Variants in ACTG2 observed in about 807,000 individuals in gnomAD.
The protein encoded by ACTG2 is actin, gamma-enteric smooth muscle.
Under a neutral mutation model 37.6 loss-of-function variants are expected in ACTG2, and 16 were observed. The ratio of observed to expected loss-of-function variants is 0.43; its 90% CI spans 0.29 to 0.65. The LOEUF (loss-of-function observed/expected upper bound fraction) is 0.65. Ranked by LOEUF, ACTG2 falls within the 30% of genes least tolerant of loss-of-function variation. ACTG2 has a pLI of 0.18. For missense variants in ACTG2, 238 were observed against 490.9 expected, an observed-to-expected ratio of 0.48 and a Z score of 4.87; for synonymous variants, 181 against 179.9, an observed-to-expected ratio of 1.01 and a Z score of -0.05.
In ACTG2 at chr2:73,901,378, G is replaced by T. The variant is rs1553394796; in HGVS notation, c.67G>T (p.Ala23Ser). 1 of 1,614,176 alleles carries T rather than the reference G, an allele frequency of 6.2e-7. No individual in the cohort carries two copies. Among genetic ancestry groups the T allele is most frequent in the South Asian group, 1.1e-5 (1 of 91,074 alleles). ...NGSGLCKAGF[A>S]GDDAPRAVFP... ...CTCTGGCCTGTGCAAGGCAGGCTTC[G>T]CAGGAGATGATGCCCCCCGGGCTGT... is the stretch of plus-strand genomic sequence containing the variant. The change falls in exon 2 of 9, where the codon GCA (alanine) becomes TCA (serine). Residue 23 changes from alanine to serine, a missense_variant. Physicochemically the swap from Ala to Ser is moderately conservative, Grantham distance 99. Coordinates refer to ENST00000345517, the MANE Select transcript of ACTG2 (RefSeq NM_001615.4).
At chr2:73,917,067 T>G (rs1287599856) in intron 8 of ACTG2, among the ~76,000 whole-genome samples, 1 of 152,070 alleles carries the variant, frequency 6.6e-6, no homozygotes, top group African/African-American at 2.4e-5. Flanking sequence ...ATCCCAGCAT[T>G]TTGGAAAGCC....
At chr2:73,912,046 T>C (rs1363299284) in intron 5 of ACTG2, among the ~76,000 whole-genome samples, 1 of 152,248 alleles carries the variant, frequency 6.6e-6, no homozygotes, top group African/African-American at 2.4e-5. Context: ...GCTAACAGTT[T>C]AGTGGGAGAT....
At chr2:73,917,324 C>G (rs1002295266) in intron 8 of ACTG2, among the ~76,000 whole-genome samples, 1 of 152,198 alleles carries the variant, frequency 6.6e-6, no homozygotes, top group Non-Finnish European at 1.5e-5. Flanking sequence ...GGTAAAAGTT[C>G]CAAAGAGTGG....
At chr2:73,902,809 T>C in intron 3 of ACTG2, 1 of 1,527,004 alleles carries the variant, frequency 6.5e-7, no homozygotes, top group Non-Finnish European at 8.8e-7. Flanking sequence ...CTTCAGTAGC[T>C]CTTCATTAAC....
In ACTG2 at chr2:73,919,771, C is replaced by A; in HGVS notation, c.*196C>A. The stretch of plus-strand genomic sequence containing the variant: ...TGTAAGGTAGGTGCTATCATTATAC[C>A]CATATTACAGATGAGGAAATTGAGG... On this transcript the variant is annotated 3_prime_UTR_variant, in exon 9 of 9. Transcript: ENST00000345517. The A allele has an allele frequency of 2.1e-6, 1 of 473,654 alleles. No individual in the cohort carries two copies. Among genetic ancestry groups the A allele is most frequent in the Non-Finnish European group, 3.5e-6 (1 of 284,800 alleles). The allele number at this position is 473,654 out of a possible 1,614,324, so 29.3% of individuals were successfully genotyped here. A position where few individuals can be genotyped will look rare whatever the true frequency, so the allele number is the denominator to read the frequency against.
intron 5 of ACTG2, among the ~76,000 whole-genome samples, chr2:73,912,970 C>G (rs930968758): frequency 1.3e-5 from 2 of 152,080 alleles, no homozygotes; most frequent in Non-Finnish European, 2.9e-5. Flanking sequence ...GAGTTCAAGA[C>G]CAGCCTGGCC....
intron 3 of ACTG2, chr2:73,902,870 C>T: frequency 8.8e-7 from 1 of 1,141,412 alleles, no homozygotes; most frequent in Non-Finnish European, 1.2e-6. Flanking sequence ...CCTTTCCCTG[C>T]CTGATCCCCG....
At chr2:73,911,660 C>T (rs777417827) in intron 5 of ACTG2, among the ~76,000 whole-genome samples, 2 of 152,100 alleles carry the variant, frequency 1.3e-5, no homozygotes, top group Non-Finnish European at 2.9e-5. Context: ...GTGAATAAAG[C>T]GTTGCCCTAT....
intron 1 of ACTG2, among the ~76,000 whole-genome samples, chr2:73,900,236 G>A (rs931339635): frequency 6.6e-6 from 1 of 152,298 alleles, no homozygotes; most frequent in South Asian, 2.1e-4. Flanking sequence ...CTCAGCTGGG[G>A]CCTTCCCCAC....
At chr2:73,914,415 C>T (rs186368449) in intron 6 of ACTG2, among the ~76,000 whole-genome samples, 107 of 152,106 alleles carry the variant, frequency 7.0e-4, no homozygotes, top group Non-Finnish European at 1.3e-3. Context: ...AAAAATTAGC[C>T]GAGCTTAGTG....
intron 1 of ACTG2, among the ~76,000 whole-genome samples, chr2:73,894,026 C>T (rs1368066096): frequency 1.3e-5 from 2 of 152,132 alleles, no homozygotes; most frequent in African/African-American, 2.4e-5. Flanking sequence ...ATAATATCTA[C>T]TTGGCGATGG....
chr2:73,908,564 A>T (rs1680062183), intron 3 of ACTG2, 109 bp from the exon 4 acceptor site: 2 of 939,222 alleles, frequency 2.1e-6, no homozygotes, highest in Non-Finnish European at 3.2e-6. Flanking sequence ...CTCCAGATCC[A>T]TCCCATCCTG....
At chr2:73,909,022 C>A in intron 4 of ACTG2, 33 bp from the exon 5 acceptor site, 1 of 1,602,304 alleles carries the variant, frequency 6.2e-7, no homozygotes, top group South Asian at 1.1e-5. Context: ...TGATTTTTGC[C>A]AAATAATCTT....
intron 6 of ACTG2, among the ~76,000 whole-genome samples, chr2:73,913,951 G>A (rs1170926094): frequency 1.3e-5 from 2 of 152,186 alleles, no homozygotes; most frequent in Non-Finnish European, 2.9e-5. Flanking sequence ...CCTTTGGTTT[G>A]AGGACAAATT....
intron 5 of ACTG2, among the ~76,000 whole-genome samples, chr2:73,911,180 C>T (rs1680127612): frequency 6.6e-6 from 1 of 152,100 alleles, no homozygotes; most frequent in Admixed American, 6.6e-5. Context: ...AAGGAGTACA[C>T]TTTAAAATAA....
chr2:73,919,313 T>A, intron 8 of ACTG2, 119 bp from the exon 9 acceptor site: 1 of 1,187,448 alleles, frequency 8.4e-7, no homozygotes. Context: ...TCTATCACAA[T>A]GTTTCTCCTG....
In ACTG2 at chr2:73,916,574, TCTC is replaced by T. The variant is rs1456301059; in HGVS notation, c.806-8_806-6del. The T allele has an allele frequency of 1.2e-6, 2 of 1,608,400 alleles. No individual in the cohort carries two copies. Reference sequence around the variant, plus strand: ...GATGCCTGTTGACCAGACACTGTGATCTCCACTAGGCATGGAGTCCGCTGGAAT... The same window carrying T: ...GATGCCTGTTGACCAGACACTGTGATCACTAGGCATGGAGTCCGCTGGAAT... On this transcript the variant is annotated splice_region_variant and splice_polypyrimidine_tract_variant and intron_variant, in intron 7 of 8. Coordinates refer to ENST00000345517, the MANE Select transcript of ACTG2 (RefSeq NM_001615.4).
At chr2:73,919,303 T>A in intron 8 of ACTG2, 129 bp from the exon 9 acceptor site, 1 of 1,104,426 alleles carries the variant, frequency 9.1e-7, no homozygotes, top group Non-Finnish European at 1.3e-6. Context: ...AATAATCTAA[T>A]CTATCACAAT....
intron 5 of ACTG2, among the ~76,000 whole-genome samples, chr2:73,909,986 G>A (rs970917643): frequency 6.6e-6 from 1 of 152,090 alleles, no homozygotes; most frequent in African/African-American, 2.4e-5. Flanking sequence ...AGGCTGAGGT[G>A]GGCGGATCAC....
Sources: gnomAD v4.1 joint callset for allele counts (sites outside exome capture counted in the v4.1 genomes callset) on GRCh38, gnomAD v4.1.1 for gene constraint, MANE v1.5 for transcripts, NCBI Gene and HGNC (gene_info 2026-07-23, HGNC 2026-07-21) for gene names.